Variants in IFT27 observed in about 807,000 individuals in gnomAD.
IFT27 encodes intraflagellar transport protein 27 homolog.
A neutral mutation model predicts 23.9 loss-of-function variants in IFT27; 19 were observed. That is an observed-to-expected ratio of 0.79 (90% CI 0.55 to 1.16). IFT27 has a LOEUF of 1.16. Ranked by LOEUF, IFT27 falls within the 50% of genes most tolerant of loss-of-function variation. The pLI is 0.00. For missense variants in IFT27, 206 were observed against 228.7 expected, an observed-to-expected ratio of 0.90 and a Z score of 0.64; for synonymous variants, 91 against 89.1, an observed-to-expected ratio of 1.02 and a Z score of -0.12.
chr22:36,773,385 C>T (rs1422628448), intron 1 of IFT27, among the ~76,000 whole-genome samples: 1 of 151,640 alleles, frequency 6.6e-6, no homozygotes, highest in East Asian at 1.9e-4. Context: ...GGCACAGTGA[C>T]TCACGCCTGT....
At chr22:36,770,665 G>C (rs1157537478) in intron 1 of IFT27, among the ~76,000 whole-genome samples, 2 of 152,122 alleles carry the variant, frequency 1.3e-5, no homozygotes, top group Admixed American at 1.3e-4. Context: ...CAGATTCAAC[G>C]GGTCACCTCT....
chr22:36,768,960 T>C (rs545600950), intron 1 of IFT27, among the ~76,000 whole-genome samples: 3 of 152,330 alleles, frequency 2.0e-5, no homozygotes, highest in Admixed American at 6.5e-5. Context: ...TGCTTCCCAT[T>C]TTACAGTCGG....
chr22:36,772,828 G>A (rs1276805154), intron 1 of IFT27: 5 of 977,814 alleles, frequency 5.1e-6, no homozygotes, highest in Non-Finnish European at 6.1e-6. Flanking sequence ...TGTGGGTCAT[G>A]GATGGAAAAA....
chr22:36,772,531 A>C (rs1357346768), intron 1 of IFT27: 24 of 985,318 alleles, frequency 2.4e-5, no homozygotes, highest in Non-Finnish European at 2.8e-5. Context: ...CTTCTCCAGA[A>C]CCAGAACAAG....
chr22:36,762,456 T>C (rs1938115532), intron 6 of IFT27: 1 of 152,724 alleles, frequency 6.5e-6, no homozygotes, highest in Non-Finnish European at 1.5e-5. Context: ...AGGCCATGAG[T>C]CCTAATCCTG....
chr22:36,764,931 G>A (rs974044568), intron 4 of IFT27, among the ~76,000 whole-genome samples: 4 of 152,130 alleles, frequency 2.6e-5, no homozygotes, highest in African/African-American at 4.8e-5. Context: ...GTTTATTTCC[G>A]GGGTGCCAGT....
chr22:36,763,308 G>A (rs1938148857), intron 5 of IFT27: 1 of 312,226 alleles, frequency 3.2e-6, no homozygotes, highest in Non-Finnish European at 5.9e-6. Context: ...CTGAAGGCGA[G>A]GGCCAAATTT....
At chr22:36,774,341 C>T (rs1938450551) in intron 1 of IFT27, among the ~76,000 whole-genome samples, 1 of 152,216 alleles carries the variant, frequency 6.6e-6, no homozygotes, top group South Asian at 2.1e-4. Flanking sequence ...TATAATTTCT[C>T]ACCACTTCTT....
intron 1 of IFT27, among the ~76,000 whole-genome samples, chr22:36,771,110 C>A (rs1938377124): frequency 6.6e-6 from 1 of 152,142 alleles, no homozygotes; most frequent in Admixed American, 6.5e-5. Flanking sequence ...CCAGAGGAAA[C>A]AGCGCCAGCG....
chr22:36,766,151 A>C lies in IFT27; in HGVS notation c.221T>G (p.Met74Arg), dbSNP rs779813658. ...CGTGCTACTTGCCAATTTATCCAGC[A>C]TTTCCGAAAACAGCTCCTTGCCAGC... ...DSAGKELFSE[M>R]LDKLWESPNV... The change falls in exon 4 of 7, where the codon ATG becomes AGG. Residue 74 changes from methionine to arginine, a missense_variant. By Grantham distance (91) the Met-to-Arg change is moderately conservative. Transcript: ENST00000433985. 1 of 1,614,202 alleles carries C rather than the reference A, an allele frequency of 6.2e-7. No individual in the cohort carries two copies. Among genetic ancestry groups the C allele is most frequent in the Admixed American group, 1.7e-5 (1 of 60,022 alleles).
chr22:36,773,365 A>AAAAGGTCCGGGCAC (rs1161693861), intron 1 of IFT27, among the ~76,000 whole-genome samples: 9 of 151,108 alleles, frequency 6.0e-5, no homozygotes, highest in African/African-American at 2.0e-4. Flanking sequence ...GCCTCAAAAA[A>AAAAGGTCCGGGCAC]AAAGGTCCGG....
chr22:36,762,797 T>C (rs1938126187), intron 6 of IFT27, 107 bp downstream of exon 6: 1 of 557,462 alleles, frequency 1.8e-6, no homozygotes, highest in Non-Finnish European at 3.0e-6. Context: ...CAAATGAGAC[T>C]CTGCATATGG....
At position 36,764,036 on chromosome 22, in the gene IFT27, A is replaced by C; in HGVS notation, c.235T>G (p.Trp79Gly). ...ELFSEMLDKL[W>G]ESPNVLCLVY... is the part of the protein sequence containing the mutation. ...AGACATAAGACATTGGGACTCTCCC[A>C]CTGTGCAAGAGGGACAGGATGAGTA... Residue 79 changes from tryptophan to glycine, a missense_variant and splice_region_variant, in exon 5 of 7, where the codon TGG becomes GGG. Transcript: ENST00000433985. 1.9e-6 allele frequency: 3 copies of C among 1,598,896 alleles called. No homozygotes were observed. Among genetic ancestry groups the C allele is most frequent in the Non-Finnish European group, 2.6e-6 (3 of 1,166,048 alleles).
chr22:36,772,946 G>T (rs550466953), intron 1 of IFT27, among the ~76,000 whole-genome samples: 3 of 152,210 alleles, frequency 2.0e-5, no homozygotes, highest in Non-Finnish European at 4.4e-5. Context: ...AGGAAATGCT[G>T]TGGAATCCCT....
At position 36,762,891 on chromosome 22, in the gene IFT27, T is replaced by C. The variant is rs1296793290; in HGVS notation, c.462+13A>G. 1 of 1,532,312 alleles carries C rather than the reference T, an allele frequency of 6.5e-7. No homozygotes were observed. The highest frequency in any genetic ancestry group is 8.9e-7 in the Non-Finnish European group (1 of 1,127,118). The allele number at this position is 1,532,312 out of a possible 1,614,324, so 94.9% of individuals were successfully genotyped here. On this transcript the variant is annotated intron_variant, in intron 6 of 6. Coordinates refer to ENST00000433985, the MANE Select transcript of IFT27 (RefSeq NM_001177701.3). ...ACTCCAGACTTGGCGACGAGGCAAG[T>C]GGAAATACTCACCACGGATGTTTCA...
At chr22:36,766,367 A>G (rs78430121) in intron 3 of IFT27, 170 bp from the exon 4 acceptor site, 21,275 of 628,242 alleles carry the variant, frequency 0.034, 466 homozygotes, top group Non-Finnish European at 0.045. Context: ...TGAAGGGGAA[A>G]GGAGCGAACT....
At chr22:36,772,472 T>C in intron 1 of IFT27, 1 of 983,474 alleles carries the variant, frequency 1.0e-6, no homozygotes, top group South Asian at 4.7e-5. Context: ...TTTAAGTGTT[T>C]TTTTAAAAGT....
At chr22:36,764,143 A>G (rs2145916901) in intron 4 of IFT27, 107 bp from the exon 5 acceptor site, 1 of 765,464 alleles carries the variant, frequency 1.3e-6, no homozygotes, top group East Asian at 2.5e-5. Flanking sequence ...AGCAGAGGGA[A>G]ACAAGAAACG....
intron 1 of IFT27, among the ~76,000 whole-genome samples, chr22:36,769,172 TA>T (rs1179073957): frequency 2.3e-4 from 35 of 152,172 alleles, no homozygotes; most frequent in Non-Finnish European, 4.3e-4. Flanking sequence ...AGGGAACCAA[TA>T]TGTGCTGAGC....
Sources: gnomAD v4.1 joint callset for allele counts (sites outside exome capture counted in the v4.1 genomes callset) on GRCh38, gnomAD v4.1.1 for gene constraint, MANE v1.5 for transcripts, NCBI Gene and HGNC (gene_info 2026-07-23, HGNC 2026-07-21) for gene names.